The following GPC5 variants were observed in gnomAD, a reference collection of about 807,000 sequenced individuals.
GPC5 encodes the protein glypican-5.
A neutral mutation model predicts 53.9 loss-of-function variants in GPC5; 47 were observed. The ratio of observed to expected loss-of-function variants is 0.87; its 90% confidence interval spans 0.69 to 1.11. The LOEUF (loss-of-function observed/expected upper bound fraction) is 1.11, where lower values mean the gene tolerates loss of function less well. Ranked by LOEUF, GPC5 falls within the 50% of genes most tolerant of loss-of-function variation. The pLI, the probability that GPC5 is intolerant of heterozygous loss-of-function variation, is 0.00. For missense variants in GPC5, 748 were observed against 713.1 expected (o/e 1.05, Z -0.56); for synonymous variants, 286 against 263.3 (o/e 1.09, Z -0.84).
intron 7 of GPC5, among the ~76,000 whole-genome samples, chr13:92,269,811 G>A (rs146105872): frequency 6.6e-5 from 10 of 152,276 alleles, no homozygotes; most frequent in Admixed American, 2.0e-4. Flanking sequence ...TTTGGTTTTC[G>A]TTTGTTTTGT....
chr13:91,628,903 C>T (rs1212751684), intron 2 of GPC5, among the ~76,000 whole-genome samples: 1 of 152,086 alleles, frequency 6.6e-6, no homozygotes, highest in Non-Finnish European at 1.5e-5. Context: ...CCACCTGACA[C>T]AGTTTAAGTA....
chr13:92,425,492 A>G (rs1343293338), intron 7 of GPC5, among the ~76,000 whole-genome samples: 2 of 152,094 alleles, frequency 1.3e-5, no homozygotes, highest in African/African-American at 4.8e-5. Context: ...TTCTATTTTT[A>G]TCACCCCTTT....
chr13:92,749,584 A>C (rs1889327609), intron 7 of GPC5, among the ~76,000 whole-genome samples: 1 of 152,112 alleles, frequency 6.6e-6, no homozygotes, highest in Admixed American at 6.5e-5. Flanking sequence ...ATTCTGACAA[A>C]CCTTTTTAAT....
intron 2 of GPC5, among the ~76,000 whole-genome samples, chr13:91,675,667 G>A (rs961311913): frequency 6.6e-6 from 1 of 152,216 alleles, no homozygotes; most frequent in Admixed American, 6.5e-5. Context: ...GAGACTTCCT[G>A]TGTAGGATGG....
At chr13:91,792,319 T>C (rs562303186) in intron 5 of GPC5, among the ~76,000 whole-genome samples, 49 of 152,152 alleles carry the variant, frequency 3.2e-4, no homozygotes, top group Non-Finnish European at 6.2e-4. Context: ...TTTAGTAACA[T>C]AGGAGGAAGA....
chr13:91,839,028 A>G (rs939519123), intron 5 of GPC5, among the ~76,000 whole-genome samples: 1 of 152,172 alleles, frequency 6.6e-6, no homozygotes, highest in African/African-American at 2.4e-5. Context: ...TATACTGCAC[A>G]CATTAAACTC....
intron 6 of GPC5, among the ~76,000 whole-genome samples, chr13:92,006,281 A>G (rs2040606120): frequency 6.6e-6 from 1 of 152,180 alleles, no homozygotes; most frequent in Non-Finnish European, 1.5e-5. Flanking sequence ...TGGATAAATG[A>G]CAGCTAAATA....
chr13:92,566,818 A>G (rs962687689), intron 7 of GPC5, among the ~76,000 whole-genome samples: 3 of 152,160 alleles, frequency 2.0e-5, no homozygotes, highest in African/African-American at 7.2e-5. Context: ...TAAATAGCAT[A>G]ATGCCAAAAA....
intron 6 of GPC5, among the ~76,000 whole-genome samples, chr13:91,956,202 G>T (rs946208596): frequency 8.6e-5 from 13 of 151,946 alleles, no homozygotes; most frequent in Non-Finnish European, 1.5e-4. Flanking sequence ...CCACCTGGTG[G>T]CATGGATCTT....
At chr13:92,127,820 A>G (rs1469775443) in intron 6 of GPC5, among the ~76,000 whole-genome samples, 1 of 152,180 alleles carries the variant, frequency 6.6e-6, no homozygotes, top group Non-Finnish European at 1.5e-5. Context: ...TCATGTGAAA[A>G]TTAACTTTTT....
chr13:91,574,061 A>T (rs912893797), intron 2 of GPC5, among the ~76,000 whole-genome samples: 4 of 152,160 alleles, frequency 2.6e-5, no homozygotes, highest in African/African-American at 9.7e-5. Flanking sequence ...ATTATTTACC[A>T]TATTCTTTTT....
At chr13:91,997,067 T>C (rs2040510321) in intron 6 of GPC5, among the ~76,000 whole-genome samples, 1 of 152,144 alleles carries the variant, frequency 6.6e-6, no homozygotes, top group Non-Finnish European at 1.5e-5. Context: ...TTTTTTTATT[T>C]TTGGTACATG....
chr13:92,209,603 A>G (rs1484615169), intron 7 of GPC5, among the ~76,000 whole-genome samples: 2 of 152,218 alleles, frequency 1.3e-5, no homozygotes, highest in East Asian at 1.9e-4. Context: ...GTTTAATCAC[A>G]GTTAATGCTC....
chr13:92,790,867 C>T (rs942579739), intron 7 of GPC5, among the ~76,000 whole-genome samples: 2 of 151,960 alleles, frequency 1.3e-5, no homozygotes, highest in African/African-American at 2.4e-5. Context: ...GTTCAAACAA[C>T]TCCAATAAAC....
At chr13:91,872,224 C>A (rs1458658127) in intron 5 of GPC5, among the ~76,000 whole-genome samples, 1 of 151,952 alleles carries the variant, frequency 6.6e-6, no homozygotes, top group African/African-American at 2.4e-5. Context: ...AGTACAGTAG[C>A]AAAGCATATA....
At chr13:91,633,837 C>A (rs1470472920) in intron 2 of GPC5, among the ~76,000 whole-genome samples, 1 of 152,096 alleles carries the variant, frequency 6.6e-6, no homozygotes, top group Non-Finnish European at 1.5e-5. Context: ...TTACTCTTTA[C>A]TCTCAGATGA....
chr13:91,677,189 G>A (rs151252938), intron 2 of GPC5, among the ~76,000 whole-genome samples: 2 of 152,138 alleles, frequency 1.3e-5, no homozygotes, highest in African/African-American at 4.8e-5. Flanking sequence ...AAGAAAAAGG[G>A]AATCATAAGC....
chr13:91,452,129 C>T (rs552315872), intron 2 of GPC5, among the ~76,000 whole-genome samples: 34 of 152,142 alleles, frequency 2.2e-4, no homozygotes, highest in Admixed American at 2.2e-3. Flanking sequence ...GGACTACAGG[C>T]TCATGACACC....
intron 7 of GPC5, among the ~76,000 whole-genome samples, chr13:92,225,664 T>G (rs937267710): frequency 2.6e-5 from 4 of 152,192 alleles, no homozygotes; most frequent in African/African-American, 9.6e-5. Context: ...AGAATCGAAT[T>G]ATTTTTCAAA....
Sources: allele counts gnomAD v4.1 joint callset (sites outside exome capture counted in the v4.1 genomes callset), GRCh38; gene constraint gnomAD v4.1.1; transcripts MANE v1.5; gene names NCBI Gene and HGNC (gene_info 2026-07-23, HGNC 2026-07-21).